Variants in KIAA1217 observed in about 807,000 individuals in gnomAD.
KIAA1217 encodes KIAA1217, also known as sickle tail protein homolog.
In KIAA1217, 88 loss-of-function variants were observed where a neutral mutation model predicts 163.9. The observed-to-expected ratio is 0.54, with a 90% CI of 0.45 to 0.64. KIAA1217 has a LOEUF of 0.64. Ranked by LOEUF, KIAA1217 falls within the 30% of genes least tolerant of loss-of-function variation. KIAA1217 has a pLI of 0.00. For synonymous variants in KIAA1217, 903 were observed against 923.1 expected, an observed-to-expected ratio of 0.98 and a Z score of 0.39; for missense variants, 2,372 against 2,475.0, an observed-to-expected ratio of 0.96 and a Z score of 0.88.
intron 2 of KIAA1217, among the ~76,000 whole-genome samples, chr10:24,099,461 T>C (rs1385885557): frequency 6.6e-6 from 1 of 150,412 alleles, no homozygotes; most frequent in African/African-American, 2.4e-5. Context: ...TGTGATAGTT[T>C]GCTCAGAATG....
intron 9 of KIAA1217, 52 bp from the exon 10 acceptor site, chr10:24,513,207 C>T: frequency 1.9e-6 from 3 of 1,586,974 alleles, no homozygotes; most frequent in Non-Finnish European, 2.6e-6. Context: ...ATTCACTCGC[C>T]TCCATTTCAG....
chr10:23,873,270 C>A (rs1017264153), intron 1 of KIAA1217, among the ~76,000 whole-genome samples: 5 of 151,916 alleles, frequency 3.3e-5, no homozygotes, highest in African/African-American at 2.4e-5. Context: ...TTCTCAAGAA[C>A]AAAATCAAAT....
intron 11 of KIAA1217, among the ~76,000 whole-genome samples, chr10:24,520,641 AAAAAAAAAAAATAT>A (rs1393506652): frequency 2.3e-5 from 2 of 87,052 alleles, no homozygotes; most frequent in African/African-American, 6.0e-5. Flanking sequence ...AAAAAAAAAA[AAAAAAAAAAAATAT>A]ATATATATAT....
intron 2 of KIAA1217, among the ~76,000 whole-genome samples, chr10:24,156,882 T>A (rs1175035833): frequency 6.6e-6 from 1 of 152,218 alleles, no homozygotes; most frequent in East Asian, 1.9e-4. Flanking sequence ...ATGGCCTCTT[T>A]GAGTGTCATG....
chr10:24,466,495 A>G (rs759967602), intron 5 of KIAA1217: 99 of 984,724 alleles, frequency 1.0e-4, no homozygotes, highest in Non-Finnish European at 1.2e-4. Flanking sequence ...AGGGGAGGAG[A>G]AATTGACTTA....
chr10:24,324,709 T>G (rs1272355512), intron 2 of KIAA1217, among the ~76,000 whole-genome samples: 4 of 152,236 alleles, frequency 2.6e-5, no homozygotes, highest in Non-Finnish European at 5.9e-5. Flanking sequence ...TTTATAGTCC[T>G]GCTTTTTCAG....
At chr10:24,208,371 CTGGG>C (rs1182802228), upstream of KIAA1217, among the ~76,000 whole-genome samples, 6 of 57,658 alleles carry the variant, frequency 1.0e-4, no homozygotes, top group African/African-American at 5.6e-4. Context: ...TGATTAAGGG[CTGGG>C]TGTGTGTGTG....
intron 2 of KIAA1217, among the ~76,000 whole-genome samples, chr10:24,225,385 A>G (rs1323251259): frequency 6.6e-6 from 1 of 152,056 alleles, no homozygotes; most frequent in Non-Finnish European, 1.5e-5. Context: ...TGACCTCCTA[A>G]AGTGCTGGGA....
chr10:24,543,700 A>G lies in KIAA1217; in HGVS notation c.4430A>G (p.Glu1477Gly), dbSNP rs893757989. ...CDEELERMMMEEKIEEEEEEE... is the reference protein window; with the variant it reads ...CDEELERMMMGEKIEEEEEEE... ...GAGGAATTAGAGAGAATGATGATGG[A>G]GGAAAAGATAGAGGAGGAGGAAGAG... The change falls in exon 19 of 21, where the codon GAG becomes GGG. Residue 1477 changes from glutamate (E) to glycine (G), a missense_variant. Transcript: ENST00000376454. 3.1e-6 allele frequency: 5 copies of G among 1,613,810 alleles called. No homozygotes were observed. Among genetic ancestry groups the G allele is most frequent in the Non-Finnish European group, 3.4e-6 (4 of 1,179,718 alleles).
At chr10:24,080,792 C>G (rs1192995429) in intron 2 of KIAA1217, among the ~76,000 whole-genome samples, 1 of 152,140 alleles carries the variant, frequency 6.6e-6, no homozygotes, top group Non-Finnish European at 1.5e-5. Context: ...TCTACTTATA[C>G]TCTTACAATA....
intron 1 of KIAA1217, among the ~76,000 whole-genome samples, chr10:24,213,859 G>C (rs1236936578): frequency 1.3e-5 from 2 of 152,082 alleles, no homozygotes; most frequent in Non-Finnish European, 2.9e-5. Context: ...TTTCTGTGCT[G>C]ATTTGTATAT....
At chr10:24,038,114 C>CA (rs1188811558) in intron 2 of KIAA1217, among the ~76,000 whole-genome samples, 32 of 152,254 alleles carry the variant, frequency 2.1e-4, no homozygotes, top group African/African-American at 7.0e-4. Flanking sequence ...GCAAATGTTT[C>CA]TCTGTCAACT....
At position 24,358,639 on chromosome 10, in the gene KIAA1217, T is replaced by A. The variant is rs10764469; in HGVS notation, c.355-22230T>A. On this transcript the variant is annotated intron_variant, in intron 2 of 20. Coordinates refer to ENST00000376454, the MANE Select transcript of KIAA1217 (RefSeq NM_019590.5). ...AGACACAAAATTGAAGATCAATGACTGTGCTGTGGCATGGGTTGTCCAGTC... is the reference window on the plus strand; with the variant it reads ...AGACACAAAATTGAAGATCAATGACAGTGCTGTGGCATGGGTTGTCCAGTC... Among the ~76,000 whole-genome samples, 6 of 152,214 alleles carry A rather than the reference T, an allele frequency of 3.9e-5. No homozygotes were observed. In the East Asian group the frequency reaches 1.2e-3, roughly 29 times the overall value.
At chr10:23,980,464 C>T in intron 1 of KIAA1217, among the ~76,000 whole-genome samples, 1 of 152,166 alleles carries the variant, frequency 6.6e-6, no homozygotes, top group Non-Finnish European at 1.5e-5. Context: ...CACTCATCCC[C>T]TGCATCAGCC....
chr10:24,416,028 T>G (rs2058218949), intron 3 of KIAA1217, among the ~76,000 whole-genome samples: 1 of 152,112 alleles, frequency 6.6e-6, no homozygotes, highest in African/African-American at 2.4e-5. Context: ...CAGGCTGCAG[T>G]CAGGCTGGAT....
chr10:24,505,654 C>T lies in KIAA1217; in HGVS notation c.2001+4109C>T, dbSNP rs80218942. 1.5e-4 allele frequency among the ~76,000 whole-genome samples: 23 copies of T among 152,014 alleles called. 1 individual carries two copies. In the East Asian group the frequency reaches 2.7e-3, roughly 18 times the overall value. On this transcript the variant is annotated intron_variant, in intron 9 of 20. Transcript: ENST00000376454. ...TAGGCTTGGCATAAAGAGAGGATGG[C>T]GACCTCCTACTTCTTTCATCCCCAA...
At chr10:23,908,829 C>T (rs1370763531) in intron 1 of KIAA1217, among the ~76,000 whole-genome samples, 1 of 152,084 alleles carries the variant, frequency 6.6e-6, no homozygotes, top group African/African-American at 2.4e-5. Flanking sequence ...TGTGGAGATT[C>T]CTTAAAGAAC....
At chr10:24,405,566 C>T (rs542018500) in intron 3 of KIAA1217, among the ~76,000 whole-genome samples, 192 of 152,180 alleles carry the variant, frequency 1.3e-3, no homozygotes, top group African/African-American at 4.6e-3. Context: ...AGACTGATAG[C>T]CATATACTTG....
chr10:24,174,852 T>G (rs894918157), intron 2 of KIAA1217, among the ~76,000 whole-genome samples: 12 of 151,722 alleles, frequency 7.9e-5, no homozygotes, highest in African/African-American at 2.4e-4. Flanking sequence ...ACATGTAGTG[T>G]TGTTGTTGTT....
Sources: allele counts gnomAD v4.1 joint callset (sites outside exome capture counted in the v4.1 genomes callset), GRCh38; gene constraint gnomAD v4.1.1; transcripts MANE v1.5; gene names NCBI Gene and HGNC (gene_info 2026-07-23, HGNC 2026-07-21).